ATCAY: variants seen among roughly 807,000 people sequenced by gnomAD.
ATCAY encodes caytaxin.
A neutral mutation model predicts 47.7 loss-of-function variants in ATCAY; 22 were observed. The observed-to-expected ratio is 0.46, with a 90% CI of 0.33 to 0.66. The LOEUF is 0.66. Ranked by LOEUF, ATCAY falls within the 30% of genes least tolerant of loss-of-function variation. The probability of loss-of-function intolerance (pLI) is 0.02; values close to 1 mark genes in which losing one functional copy is unlikely to be tolerated. For missense variants in ATCAY, 452 were observed against 515.0 expected (o/e 0.88, Z 1.18); for synonymous variants, 216 against 207.6 (o/e 1.04, Z -0.35).
intron 2 of ATCAY, among the ~76,000 whole-genome samples, chr19:3,887,742 T>C (rs1260835051): frequency 1.4e-5 from 2 of 144,572 alleles, no homozygotes; most frequent in Non-Finnish European, 3.0e-5. Flanking sequence ...CACCTCGGCC[T>C]CCCAAAGTGC....
intron 9 of ATCAY, among the ~76,000 whole-genome samples, chr19:3,914,407 G>A (rs1447894989): frequency 2.0e-5 from 3 of 151,878 alleles, no homozygotes; most frequent in Non-Finnish European, 4.4e-5. Flanking sequence ...CTTACTCACT[G>A]TCGCGAGAAT....
In ATCAY at chr19:3,913,613, C is replaced by T. The variant is rs1328623952; in HGVS notation, c.867-145C>T. ...CAAGATAATTAAGGCTGTCATCGGG[C>T]GGGAGGGAGGTGTCGTCGTCTGCAC... On this transcript the variant is annotated intron_variant, in intron 8 of 12. Transcript: ENST00000450849. 16 of 629,764 alleles carry T rather than the reference C, an allele frequency of 2.5e-5. No homozygotes were observed. In the East Asian group the frequency reaches 3.9e-4, roughly 15 times the overall value. The allele number at this position is 629,764 out of a possible 1,614,324, so 39.0% of individuals were successfully genotyped here. A position where few individuals can be genotyped will look rare whatever the true frequency, so the allele number is the denominator to read the frequency against.
intron 9 of ATCAY, among the ~76,000 whole-genome samples, chr19:3,916,181 G>A (rs371476455): frequency 7.2e-5 from 11 of 152,164 alleles, no homozygotes; most frequent in Non-Finnish European, 1.0e-4. Context: ...CTCACTGAGC[G>A]TGACATCCTC....
chr19:3,899,400 G>T (rs374278043), intron 2 of ATCAY, among the ~76,000 whole-genome samples: 1 of 133,188 alleles, frequency 7.5e-6, no homozygotes, highest in Non-Finnish European at 1.5e-5. Flanking sequence ...CGCAACCTCC[G>T]CCTCCAGGGT....
rs1261105402 is a variant in ATCAY, at chr19:3,927,365, C to A, written c.*2773C>A. 1 of 152,222 alleles carries A rather than the reference C, an allele frequency of 6.6e-6. No homozygotes were observed. The highest frequency in any genetic ancestry group is 1.5e-5 in the Non-Finnish European group (1 of 68,058). The allele number at this position is 152,222 out of a possible 1,614,324, so 9.4% of individuals were successfully genotyped here. A position where few individuals can be genotyped will look rare whatever the true frequency, so the allele number is the denominator to read the frequency against. On this transcript the variant is annotated 3_prime_UTR_variant, in exon 13 of 13. Coordinates refer to ENST00000450849, the MANE Select transcript of ATCAY (RefSeq NM_033064.5). ...TCCAGCATGAATCGTTCTAACCCAACAGTGACAAGAACTGCTGGGCCTTAA... is the reference window on the plus strand; with the variant it reads ...TCCAGCATGAATCGTTCTAACCCAAAAGTGACAAGAACTGCTGGGCCTTAA...
chr19:3,890,175 C>T (rs2038703040), intron 2 of ATCAY, among the ~76,000 whole-genome samples: 2 of 150,262 alleles, frequency 1.3e-5, no homozygotes, highest in South Asian at 4.2e-4. Flanking sequence ...AACTCTCAAC[C>T]TCAGGTGATC....
intron 1 of ATCAY, among the ~76,000 whole-genome samples, chr19:3,882,799 TTTAA>T (rs1197943086): frequency 2.0e-5 from 3 of 150,160 alleles, no homozygotes; most frequent in African/African-American, 7.4e-5. Context: ...ACCCACCAAA[TTTAA>T]TTAATTTTTG....
chr19:3,901,524 C>T (rs891038210), intron 2 of ATCAY, among the ~76,000 whole-genome samples: 7 of 152,030 alleles, frequency 4.6e-5, no homozygotes, highest in Non-Finnish European at 7.4e-5. Flanking sequence ...CACAGGGTCG[C>T]CCTAGAGAGA....
intron 2 of ATCAY, among the ~76,000 whole-genome samples, chr19:3,891,558 G>A (rs2038719561): frequency 6.6e-6 from 1 of 151,926 alleles, no homozygotes; most frequent in Non-Finnish European, 1.5e-5. Context: ...GGGAGGGAAG[G>A]GGAGCTGTGA....
At chr19:3,906,449 T>C (rs1434322645) in intron 4 of ATCAY, among the ~76,000 whole-genome samples, 2 of 151,500 alleles carry the variant, frequency 1.3e-5, no homozygotes, top group Non-Finnish European at 2.9e-5. Flanking sequence ...ATTACAGGCA[T>C]GCACTACCAC....
At chr19:3,909,688 C>A (rs374869585) in intron 7 of ATCAY, 71 bp downstream of exon 7, 3 of 1,535,556 alleles carry the variant, frequency 2.0e-6, no homozygotes, top group Middle Eastern at 1.7e-4. Flanking sequence ...CATGGTGGCT[C>A]ACACCTGGAA....
chr19:3,907,913 C>G lies in ATCAY; in HGVS notation c.538C>G (p.His180Asp). The change falls in exon 5 of 13, where the codon CAC (histidine) becomes GAC (aspartate). Residue 180 changes from histidine to aspartate, a missense_variant. Physicochemically the swap from His to Asp is moderately conservative, Grantham distance 81. Transcript: ENST00000450849. This position sits in a 1 kb window ranked among gnomAD's most constrained non-coding sequence, Gnocchi z 5.1. ...MIRPYMKVVTHGGYYGEGLNA... is the reference protein window; with the variant it reads ...MIRPYMKVVTDGGYYGEGLNA... Reference sequence around the variant, plus strand: ...CCGGCCTTACATGAAAGTGGTCACCCACGGAGGTGAGACCCGCCCCCCGGT... The same window carrying G: ...CCGGCCTTACATGAAAGTGGTCACCGACGGAGGTGAGACCCGCCCCCCGGT... The G allele has an allele frequency of 6.2e-7, 1 of 1,613,330 alleles. No individual in the cohort carries two copies. The highest frequency in any genetic ancestry group is 8.5e-7 in the Non-Finnish European group (1 of 1,179,600).
At position 3,890,241 on chromosome 19, in the gene ATCAY, C is replaced by T. The variant is rs373032556; in HGVS notation, c.77+4397C>T. ...GTGTGAGCCATTGGGCCCAGCTCCA[C>T]CTATAATTTTTTTTTTTTTTTTTTT... On this transcript the variant is annotated intron_variant, in intron 2 of 12. Coordinates refer to ENST00000450849, the MANE Select transcript of ATCAY (RefSeq NM_033064.5). 2.2e-4 allele frequency among the ~76,000 whole-genome samples: 29 copies of T among 130,052 alleles called. No individual in the cohort carries two copies. In the South Asian group the frequency reaches 2.5e-3, roughly 11 times the overall value. 85.3% of individuals were successfully genotyped at this position (130,052 alleles called of 152,430 possible).
intron 2 of ATCAY, among the ~76,000 whole-genome samples, chr19:3,897,079 A>T (rs905254738): frequency 6.6e-6 from 1 of 151,980 alleles, no homozygotes; most frequent in African/African-American, 2.4e-5. Flanking sequence ...ACGCCCAGCC[A>T]GAAATCTAGA....
chr19:3,891,346 C>T (rs1222153004), intron 2 of ATCAY, among the ~76,000 whole-genome samples: 3 of 152,160 alleles, frequency 2.0e-5, no homozygotes, highest in African/African-American at 7.2e-5. Flanking sequence ...GCCACGCGCC[C>T]GGCCTCCTTC....
intron 4 of ATCAY, 136 bp downstream of exon 4, chr19:3,905,791 A>G (rs2038855098): frequency 2.8e-6 from 2 of 715,464 alleles, no homozygotes; most frequent in Non-Finnish European, 4.6e-6. Context: ...AACCCAGGAG[A>G]TCAAGACTGC....
rs1056847049 is a variant in ATCAY at position 3,908,058 on chromosome 19, G to A, written c.544+139G>A. On this transcript the variant is annotated intron_variant, in intron 5 of 12. Transcript: ENST00000450849. The stretch of plus-strand genomic sequence containing the variant: ...CGGGTGGACGGACTGTGGGCAAGGC[G>A]TGCATGGTCAGGGAGGCGCACTGGG... The A allele has an allele frequency of 1.4e-4, 178 of 1,249,030 alleles. 1 individual carries two copies. Among genetic ancestry groups the A allele is most frequent in the Middle Eastern group, 2.2e-4 (1 of 4,608 alleles). 77.4% of individuals were successfully genotyped at this position (1,249,030 alleles called of 1,614,324 possible). A position where few individuals can be genotyped will look rare whatever the true frequency, so the allele number is the denominator to read the frequency against.
rs747143501 is a variant in ATCAY, at chr19:3,920,773, C to A, written c.1081C>A (p.Leu361Met). The change falls in exon 12 of 13, where the codon CTG becomes ATG. Residue 361 changes from leucine to methionine, a missense_variant. Coordinates refer to ENST00000450849, the MANE Select transcript of ATCAY (RefSeq NM_033064.5). ...EVAPVENRSALVSEDQETSMS is the reference protein window; with the variant it reads ...EVAPVENRSAMVSEDQETSMS ...TCCGTCTCTCCTCCACAGGTCTGCT[C>A]TGGTCTCAGAAGATCAGGAAACAAG... 5 of 1,613,788 alleles carry A rather than the reference C, an allele frequency of 3.1e-6. No individual in the cohort carries two copies. The East Asian group carries it at 1.1e-4, about 36-fold the overall frequency.
At chr19:3,913,523 G>A (rs563289692) in intron 8 of ATCAY, among the ~76,000 whole-genome samples, 3 of 152,286 alleles carry the variant, frequency 2.0e-5, no homozygotes, top group East Asian at 1.9e-4. Flanking sequence ...ACCCATGTCA[G>A]GTGCATGGCC....
Sources: gnomAD v4.1 joint callset for allele counts (sites outside exome capture counted in the v4.1 genomes callset) on GRCh38, gnomAD v4.1.1 for gene constraint, Gnocchi (gnomAD v3.1) non-coding constraint, MANE v1.5 for transcripts, NCBI Gene and HGNC (gene_info 2026-07-23, HGNC 2026-07-21) for gene names.